The following NECTIN1 variants were observed in gnomAD, a reference collection of about 807,000 sequenced individuals.
NECTIN1 encodes the protein nectin-1.
Under a neutral mutation model 48.0 loss-of-function variants are expected in NECTIN1, and 23 were observed. The observed-to-expected ratio is 0.48, with a 90% CI of 0.34 to 0.68. The LOEUF (loss-of-function observed/expected upper bound fraction) is 0.68, where lower values mean the gene tolerates loss of function less well. NECTIN1 is among the 30% of genes least tolerant of loss of function. The probability of loss-of-function intolerance (pLI) is 0.01; values close to 1 mark genes in which losing one functional copy is unlikely to be tolerated. For missense variants in NECTIN1, 591 were observed against 709.9 expected (o/e 0.83, Z 1.90); for synonymous variants, 270 against 288.9 (o/e 0.93, Z 0.66).
chr11:119,657,082 G>A (rs1241271106), downstream of NECTIN1, among the ~76,000 whole-genome samples: 1 of 152,214 alleles, frequency 6.6e-6, no homozygotes, highest in Non-Finnish European at 1.5e-5. Context: ...TGTCATCCGG[G>A]ATCCCAAGTC....
chr11:119,663,183 T>TGAAG lies in NECTIN1; in HGVS notation c.*1560_*1563dup. The TGAAG allele has an allele frequency of 2.0e-6, 2 of 985,444 alleles. No individual in the cohort carries two copies. Among genetic ancestry groups the TGAAG allele is most frequent in the Non-Finnish European group, 2.4e-6 (2 of 829,962 alleles). The allele number at this position is 985,444 out of a possible 1,614,324, so 61.0% of individuals were successfully genotyped here. ...TAACTGGAATCCCAGTGGGCAGGCATGAAGGGCCGCGAAGCCTGCCTCTCC... is the reference window on the plus strand; with the variant it reads ...TAACTGGAATCCCAGTGGGCAGGCATGAAGGAAGGGCCGCGAAGCCTGCCTCTCC... On this transcript the variant is annotated 3_prime_UTR_variant, in exon 6 of 6. Coordinates refer to ENST00000264025, the MANE Select transcript of NECTIN1 (RefSeq NM_002855.5).
intron 6 of NECTIN1, chr11:119,639,479 C>T: frequency 3.1e-6 from 1 of 325,500 alleles, no homozygotes. Flanking sequence ...GTGCCTCTCT[C>T]TCCTCTCTGG....
At position 119,673,347 on chromosome 11, in the gene NECTIN1, G is replaced by A. The variant is rs1039981713; in HGVS notation, c.1003+1812C>T. On this transcript the variant is annotated intron_variant, in intron 5 of 5. Transcript: ENST00000264025. This position sits in a 1 kb window ranked among gnomAD's most constrained non-coding sequence, Gnocchi z 5.8. ...ATTCAGTGAGTGCCATGCGTCCCTG[G>A]CTCCTGCCTAACGGGGCTGCCAGCA... Among the ~76,000 whole-genome samples the A allele has an allele frequency of 2.6e-5, 4 of 152,164 alleles. No individual in the cohort carries two copies. Among genetic ancestry groups the A allele is most frequent in the African/African-American group, 9.7e-5 (4 of 41,434 alleles).
At position 119,661,057 on chromosome 11, in the gene NECTIN1, A is replaced by T; in HGVS notation, c.*3690T>A. The T allele has an allele frequency of 3.1e-6, 3 of 972,270 alleles. No individual in the cohort carries two copies. The highest frequency in any genetic ancestry group is 3.7e-6 in the Non-Finnish European group (3 of 818,052). The allele number at this position is 972,270 out of a possible 1,614,324, so 60.2% of individuals were successfully genotyped here. On this transcript the variant is annotated 3_prime_UTR_variant, in exon 6 of 6. Coordinates refer to ENST00000264025, the MANE Select transcript of NECTIN1 (RefSeq NM_002855.5). ...ATCCTCAGTACATTTTCAACCCATC[A>T]TTTTTTTTTAATACAAGTAAAAGGG...
chr11:119,668,704 G>T (rs1864817814), intron 5 of NECTIN1, among the ~76,000 whole-genome samples: 1 of 152,144 alleles, frequency 6.6e-6, no homozygotes, highest in Admixed American at 6.5e-5. Flanking sequence ...TGTGACAATT[G>T]CTAAGGTCAT....
intron 1 of NECTIN1, among the ~76,000 whole-genome samples, chr11:119,700,110 T>C (rs1055158263): frequency 6.6e-6 from 1 of 152,146 alleles, no homozygotes; most frequent in African/African-American, 2.4e-5. Context: ...TGTCTCCTGC[T>C]GGGGTGAGGG....
rs1409760467 is a variant in NECTIN1 at position 119,709,353 on chromosome 11, AG to A, written c.79+19121del. Among the ~76,000 whole-genome samples the A allele has an allele frequency of 1.3e-5, 2 of 152,074 alleles. No homozygotes were observed. The highest frequency in any genetic ancestry group is 2.4e-5 in the African/African-American group (1 of 41,408). ...GATCACCAGCTCCACATCCGGGCCCAGGGCGCCTCTGTCTGCCACGCACTTG... is the reference window on the plus strand; with the variant it reads ...GATCACCAGCTCCACATCCGGGCCCAGGCGCCTCTGTCTGCCACGCACTTG... On this transcript the variant is annotated intron_variant, in intron 1 of 5. Transcript: ENST00000264025. This position sits in a 1 kb window ranked among gnomAD's most constrained non-coding sequence, Gnocchi z 4.1.
chr11:119,676,339 A>C (rs1864947679), intron 4 of NECTIN1, among the ~76,000 whole-genome samples: 1 of 152,244 alleles, frequency 6.6e-6, no homozygotes, highest in Admixed American at 6.5e-5. Flanking sequence ...TCACACCTTC[A>C]GAAGCACTTT....
At chr11:119,704,132 G>A (rs1413525753) in intron 1 of NECTIN1, among the ~76,000 whole-genome samples, 1 of 152,182 alleles carries the variant, frequency 6.6e-6, no homozygotes, top group South Asian at 2.1e-4. Flanking sequence ...CACCCCTCAC[G>A]CCCCACCATC....
intron 5 of NECTIN1, among the ~76,000 whole-genome samples, chr11:119,643,849 G>C (rs1325662787): frequency 6.6e-6 from 1 of 152,242 alleles, no homozygotes; most frequent in Admixed American, 6.5e-5. Flanking sequence ...GGCCTCCAGG[G>C]AGCACTTATT....
chr11:119,660,559 C>T (rs1864644003), downstream of NECTIN1, among the ~76,000 whole-genome samples: 1 of 152,160 alleles, frequency 6.6e-6, no homozygotes, highest in Non-Finnish European at 1.5e-5. Context: ...CTTCTCCAAA[C>T]AGCCACAGGA....
intron 1 of NECTIN1, among the ~76,000 whole-genome samples, chr11:119,700,000 A>G (rs971776193): frequency 6.6e-6 from 1 of 152,218 alleles, no homozygotes; most frequent in Non-Finnish European, 1.5e-5. Flanking sequence ...TGGGGAGACC[A>G]TCAGATGAAA....
intron 1 of NECTIN1, among the ~76,000 whole-genome samples, chr11:119,716,153 G>A (rs183922934): frequency 2.9e-4 from 44 of 152,258 alleles, no homozygotes; most frequent in Admixed American, 8.5e-4. Flanking sequence ...TTGGGGGGGC[G>A]GATCTCCAGT....
rs1286349572 is a variant in NECTIN1 at position 119,709,414 on chromosome 11, G to T, written c.79+19061C>A. Among the ~76,000 whole-genome samples the T allele has an allele frequency of 1.3e-5, 2 of 152,196 alleles. No individual in the cohort carries two copies. The highest frequency in any genetic ancestry group is 3.2e-3 in the Middle Eastern group (1 of 316). ...CTCTGCTACCTGGGGCCGGGGGAGAGCCTGCAGGGGCAGGGGCGCAGAGGA... is the reference window on the plus strand; with the variant it reads ...CTCTGCTACCTGGGGCCGGGGGAGATCCTGCAGGGGCAGGGGCGCAGAGGA... On this transcript the variant is annotated intron_variant, in intron 1 of 5. Coordinates refer to ENST00000264025, the MANE Select transcript of NECTIN1 (RefSeq NM_002855.5). This position sits in a 1 kb window ranked among gnomAD's most constrained non-coding sequence, Gnocchi z 4.1.
At chr11:119,660,060 A>G (rs1190860274), downstream of NECTIN1, among the ~76,000 whole-genome samples, 1 of 152,190 alleles carries the variant, frequency 6.6e-6, no homozygotes, top group African/African-American at 2.4e-5. Context: ...CTGCCCGTCC[A>G]GCCCCAATCC....
downstream of NECTIN1, among the ~76,000 whole-genome samples, chr11:119,658,382 C>T (rs977521576): frequency 2.0e-5 from 3 of 152,080 alleles, no homozygotes; most frequent in African/African-American, 4.8e-5. Flanking sequence ...CCGGTAAACC[C>T]GGGGAGAGAA....
chr11:119,656,227 G>T (rs1864570515), downstream of NECTIN1: 1 of 152,186 alleles, frequency 6.6e-6, no homozygotes, highest in African/African-American at 2.4e-5. Flanking sequence ...ATTTTGATCA[G>T]TTCAATTTGG....
At chr11:119,690,137 C>T (rs4938708) in intron 1 of NECTIN1, among the ~76,000 whole-genome samples, 64,143 of 151,804 alleles carry the variant, frequency 0.42, 13,883 homozygotes, top group East Asian at 0.54. Context: ...TGGACTTAGG[C>T]GGTGCCAGGA....
chr11:119,679,936 G>A (rs1017286469), intron 1 of NECTIN1, among the ~76,000 whole-genome samples: 3 of 152,196 alleles, frequency 2.0e-5, no homozygotes, highest in Admixed American at 2.0e-4. Flanking sequence ...TTCCTGCCTT[G>A]GAAGGTGGTG....
Sources: allele counts gnomAD v4.1 joint callset (sites outside exome capture counted in the v4.1 genomes callset), GRCh38; gene constraint gnomAD v4.1.1; non-coding constraint Gnocchi (gnomAD v3.1); transcripts MANE v1.5; gene names NCBI Gene and HGNC (gene_info 2026-07-23, HGNC 2026-07-21).